Variants in HS6ST2 observed in about 807,000 individuals in gnomAD.
The protein encoded by HS6ST2 is heparan sulfate 6-O-sulfotransferase 2, also known as heparan-sulfate 6-O-sulfotransferase 2.
Under a neutral mutation model 33.0 loss-of-function variants are expected in HS6ST2, and 17 were observed. The ratio of observed to expected loss-of-function variants is 0.52; its 90% CI spans 0.35 to 0.77. HS6ST2 has a LOEUF of 0.77. Among genes scored for constraint, HS6ST2 ranks in the 30% least tolerant of loss-of-function variants. The probability of loss-of-function intolerance (pLI) is 0.01; values close to 1 mark genes in which losing one functional copy is unlikely to be tolerated. For synonymous variants in HS6ST2, 248 were observed against 237.1 expected, an observed-to-expected ratio of 1.05 and a Z score of -0.42; for missense variants, 519 against 551.7, an observed-to-expected ratio of 0.94 and a Z score of 0.59.
chrX:132,637,634 G>A (rs2063557887), intron 4 of HS6ST2, among the ~76,000 whole-genome samples: 1 of 99,778 alleles, frequency 1.0e-5, no homozygotes, highest in African/African-American at 3.7e-5. Flanking sequence ...AAGGTCATAG[G>A]AGTGATCAAT....
intron 2 of HS6ST2, among the ~76,000 whole-genome samples, chrX:132,809,373 T>C (rs760900016): frequency 4.9e-4 from 55 of 112,348 alleles, no homozygotes; most frequent in African/African-American, 1.6e-3. Flanking sequence ...TATTTACTTA[T>C]CCTGCTCAAT....
intron 2 of HS6ST2, among the ~76,000 whole-genome samples, chrX:132,715,078 C>T (rs755110895): frequency 8.9e-6 from 1 of 111,857 alleles, no homozygotes; most frequent in South Asian, 3.8e-4. Context: ...TCACCTTCTA[C>T]CCCAGGGTGC....
intron 3 of HS6ST2, among the ~76,000 whole-genome samples, chrX:132,705,269 A>C (rs1004635670): frequency 9.1e-6 from 1 of 110,244 alleles, no homozygotes; most frequent in African/African-American, 3.3e-5. Flanking sequence ...TAGAGAAGAC[A>C]TCAAGATAGA....
intron 3 of HS6ST2, among the ~76,000 whole-genome samples, chrX:132,675,285 G>C (rs900718907): frequency 1.8e-5 from 2 of 110,933 alleles, no homozygotes; most frequent in South Asian, 7.8e-4. Context: ...GATAAACAGT[G>C]AGGCCTGATG....
intron 3 of HS6ST2, among the ~76,000 whole-genome samples, chrX:132,686,820 C>G (rs2064020093): frequency 9.0e-6 from 1 of 111,635 alleles, no homozygotes; most frequent in East Asian, 2.8e-4. Flanking sequence ...CAGTATAGGC[C>G]TTATTGTATA....
At chrX:132,684,125 G>T (rs1353549719) in intron 3 of HS6ST2, among the ~76,000 whole-genome samples, 3 of 107,717 alleles carry the variant, frequency 2.8e-5, no homozygotes, top group Non-Finnish European at 3.8e-5. Flanking sequence ...GTATCATTTT[G>T]TCAGGAGAAT....
At chrX:132,784,295 C>A (rs2065041510) in intron 2 of HS6ST2, among the ~76,000 whole-genome samples, 1 of 111,057 alleles carries the variant, frequency 9.0e-6, no homozygotes, top group Non-Finnish European at 1.9e-5. Context: ...GCCTCAATGT[C>A]TCTTTTTGCT....
Position 132,629,016 on chromosome X carries a change from GC to G in HS6ST2, c.1144del (p.Ala382GlnfsTer44). 1 of 1,205,962 alleles carries G rather than the reference GC, an allele frequency of 8.3e-7. No individual in the cohort carries two copies. Among genetic ancestry groups the G allele is most frequent in the Non-Finnish European group, 1.1e-6 (1 of 892,649 alleles). On this transcript the variant is annotated frameshift_variant, in exon 5 of 5. Coordinates refer to ENST00000370833, the MANE Select transcript of HS6ST2 (RefSeq NM_001394073.1). LOFTEE classifies it high-confidence loss of function. ...LSEWRHVQRG[A>X]TWKASLHVCD... ...GACATGCAGGGATGCTTTCCATGTT[GC>G]CCCTCTCTGGACATGCCTCCACTCA...
At chrX:132,716,056 G>A (rs745334306) in intron 2 of HS6ST2, among the ~76,000 whole-genome samples, 1 of 111,953 alleles carries the variant, frequency 8.9e-6, no homozygotes, top group Non-Finnish European at 1.9e-5. Context: ...ATCTGTTGGC[G>A]ATCCAGTCAA....
chrX:132,743,797 T>G (rs1175769504), intron 2 of HS6ST2, among the ~76,000 whole-genome samples: 1 of 111,935 alleles, frequency 8.9e-6, no homozygotes, highest in Non-Finnish European at 1.9e-5. Flanking sequence ...AGACAAGGTC[T>G]CACTCTGTTG....
At chrX:132,647,746 A>C (rs1648550373) in intron 4 of HS6ST2, among the ~76,000 whole-genome samples, 1 of 112,441 alleles carries the variant, frequency 8.9e-6, no homozygotes, top group Admixed American at 9.4e-5. Context: ...AGTTTGGCCA[A>C]GTGTTTTAGG....
chrX:132,829,498 G>C (rs1012632813), intron 2 of HS6ST2, among the ~76,000 whole-genome samples: 2 of 108,897 alleles, frequency 1.8e-5, no homozygotes, highest in African/African-American at 6.7e-5. Context: ...TGCACTGAAG[G>C]CTTGTCCAGT....
At chrX:132,670,582 G>A (rs781370754) in intron 3 of HS6ST2, among the ~76,000 whole-genome samples, 13 of 111,751 alleles carry the variant, frequency 1.2e-4, no homozygotes, top group Non-Finnish European at 1.5e-4. Context: ...GGCGGATCAC[G>A]AGGTCAGGAG....
intron 2 of HS6ST2, among the ~76,000 whole-genome samples, chrX:132,749,367 T>C (rs1167018130): frequency 1.8e-5 from 2 of 112,665 alleles, no homozygotes; most frequent in Middle Eastern, 4.2e-3. Flanking sequence ...AGCAATGAAG[T>C]TGGAAAGCAG....
At chrX:132,730,939 A>G (rs1366655881) in intron 2 of HS6ST2, among the ~76,000 whole-genome samples, 1 of 112,009 alleles carries the variant, frequency 8.9e-6, no homozygotes, top group African/African-American at 3.2e-5. Context: ...GCCCTGCCCC[A>G]GGGGAAGCCC....
rs762221506 is a variant in HS6ST2, at chrX:132,673,744, C to T, written c.981-4545G>A. On this transcript the variant is annotated intron_variant, in intron 3 of 4. Coordinates refer to ENST00000370833, the MANE Select transcript of HS6ST2 (RefSeq NM_001394073.1). ...TCCCAGGGATAAAAGCTCATCTAGT[C>T]GGCCTCCCCAACAGGTGCTTCAGGC... 6.3e-5 allele frequency among the ~76,000 whole-genome samples: 7 copies of T among 110,897 alleles called. No individual in the cohort carries two copies. In the South Asian group the frequency reaches 2.4e-3, roughly 38 times the overall value.
intron 2 of HS6ST2, among the ~76,000 whole-genome samples, chrX:132,839,309 TATATATAC>T (rs1449326774): frequency 5.9e-3 from 155 of 26,346 alleles, no homozygotes; most frequent in South Asian, 0.021. Flanking sequence ...TATATATATA[TATATATAC>T]ACACACATGT....
chrX:132,804,900 C>G (rs2065266871), intron 2 of HS6ST2, among the ~76,000 whole-genome samples: 3 of 111,864 alleles, frequency 2.7e-5, no homozygotes, highest in African/African-American at 9.7e-5. Flanking sequence ...TTTAAAGCAA[C>G]TTGTTGAGAT....
intron 2 of HS6ST2, among the ~76,000 whole-genome samples, chrX:132,718,057 C>T (rs2064293213): frequency 8.9e-6 from 1 of 112,131 alleles, no homozygotes; most frequent in Non-Finnish European, 1.9e-5. Flanking sequence ...GGAAATTTTA[C>T]CTAAATGACA....
Sources: gnomAD v4.1 joint callset for allele counts (sites outside exome capture counted in the v4.1 genomes callset) on GRCh38, gnomAD v4.1.1 for gene constraint, MANE v1.5 for transcripts, NCBI Gene and HGNC (gene_info 2026-07-23, HGNC 2026-07-21) for gene names.